The following FITM2 variants were observed in gnomAD, a reference collection of about 807,000 sequenced individuals.
The protein encoded by FITM2 is acyl-coenzyme A diphosphatase FITM2.
Under a neutral mutation model 23.3 loss-of-function variants are expected in FITM2, and 16 were observed. That is an observed-to-expected ratio of 0.69 (90% CI 0.47 to 1.05). FITM2 has a LOEUF of 1.05. FITM2 is among the 50% of genes least tolerant of loss of function. The pLI is 0.00. For synonymous variants in FITM2, 132 were observed against 142.0 expected (o/e 0.93, Z 0.50); for missense variants, 273 against 327.5 (o/e 0.83, Z 1.29).
At chr20:44,310,336 A>C (rs1943839463) in intron 1 of FITM2, among the ~76,000 whole-genome samples, 1 of 152,212 alleles carries the variant, frequency 6.6e-6, no homozygotes, top group Admixed American at 6.5e-5. Context: ...AGATGTCTCA[A>C]AGCGCCCAGC....
At position 44,306,421 on chromosome 20, in the gene FITM2, A is replaced by T. The variant is rs1158167285; in HGVS notation, c.*204T>A. 8 of 580,556 alleles carry T rather than the reference A, an allele frequency of 1.4e-5. No individual in the cohort carries two copies. Among genetic ancestry groups the T allele is most frequent in the Non-Finnish European group, 2.3e-5 (8 of 344,504 alleles). 36.0% of individuals were successfully genotyped at this position (580,556 alleles called of 1,614,324 possible). A position where few individuals can be genotyped will look rare whatever the true frequency, so the allele number is the denominator to read the frequency against. On this transcript the variant is annotated 3_prime_UTR_variant, in exon 2 of 2. Coordinates refer to ENST00000396825, the MANE Select transcript of FITM2 (RefSeq NM_001080472.4). Reference sequence around the variant, plus strand: ...AGGGACAAAAAGTGCCTAACTGGGAATGGTGGTGCTTGCAACACTGGTGAT... The same window carrying T: ...AGGGACAAAAAGTGCCTAACTGGGATTGGTGGTGCTTGCAACACTGGTGAT...
chr20:44,307,360 C>T (rs762227256), intron 1 of FITM2, 120 bp from the exon 2 acceptor site: 16 of 1,158,606 alleles, frequency 1.4e-5, no homozygotes, highest in Non-Finnish European at 1.7e-5. Flanking sequence ...AAAGCTACAG[C>T]TCATAGCAAC....
At position 44,307,138 on chromosome 20, in the gene FITM2, C is replaced by T; in HGVS notation, c.276G>A (p.Arg92=). 1 of 1,614,208 alleles carries T rather than the reference C, an allele frequency of 6.2e-7. No homozygotes were observed. The highest frequency in any genetic ancestry group is 1.1e-5 in the South Asian group (1 of 91,082). ...HLTGKAGLVL[R]RLSTLLVGTA... is the part of the protein sequence containing the mutation. Reference sequence around the variant, plus strand: ...TGCCCACAAGCAGGGTGCTCAGCCGCCGCAGGACCAAGCCAGCCTTGCCGG... The same window carrying T: ...TGCCCACAAGCAGGGTGCTCAGCCGTCGCAGGACCAAGCCAGCCTTGCCGG... The change falls in exon 2 of 2, where the codon CGG becomes CGA. Residue 92 remains arginine, a synonymous_variant. Transcript: ENST00000396825.
chr20:44,309,748 G>A (rs2062699989), intron 1 of FITM2, among the ~76,000 whole-genome samples: 1 of 152,128 alleles, frequency 6.6e-6, no homozygotes, highest in Admixed American at 6.6e-5. Flanking sequence ...CAGGATCCAT[G>A]ACTACCTTCA....
rs1336714173 is a variant in FITM2, at chr20:44,305,039, CAG to C, written c.*1584_*1585del. 1 of 152,140 alleles carries C rather than the reference CAG, an allele frequency of 6.6e-6. No homozygotes were observed. Among genetic ancestry groups the C allele is most frequent in the East Asian group, 1.9e-4 (1 of 5,190 alleles). 9.4% of individuals were successfully genotyped at this position (152,140 alleles called of 1,614,324 possible). A position where few individuals can be genotyped will look rare whatever the true frequency, so the allele number is the denominator to read the frequency against. ...CACCTGGCCCAGGTTTCATTGCTAACAGAGAAAACAGCCCCATGAGGTGGAAT... is the reference window on the plus strand; with the variant it reads ...CACCTGGCCCAGGTTTCATTGCTAACAGAAAACAGCCCCATGAGGTGGAAT... On this transcript the variant is annotated 3_prime_UTR_variant, in exon 2 of 2. Coordinates refer to ENST00000396825, the MANE Select transcript of FITM2 (RefSeq NM_001080472.4).
Position 44,307,123 on chromosome 20 carries a change from C to T in FITM2, c.291G>A (p.Leu97=), listed in dbSNP as rs143204147. ...TGTACCAGATGGCCGTGCCCACAAG[C>T]AGGGTGCTCAGCCGCCGCAGGACCA... ...AGLVLRRLST[L]LVGTAIWYIC... is the part of the protein sequence containing the mutation. Residue 97 remains leucine (L), a synonymous_variant, in exon 2 of 2, where the codon CTG becomes CTA. Coordinates refer to ENST00000396825, the MANE Select transcript of FITM2 (RefSeq NM_001080472.4). 4.3e-4 allele frequency: 690 copies of T among 1,614,184 alleles called. 2 individuals carry two copies. The African/African-American group carries it at 8.0e-3, about 19-fold the overall frequency.
chr20:44,307,372 A>G (rs1311969747), intron 1 of FITM2, 132 bp from the exon 2 acceptor site: 5 of 1,061,022 alleles, frequency 4.7e-6, no homozygotes, highest in Non-Finnish European at 6.7e-6. Context: ...CATAGCAACT[A>G]TCATGTTTTA....
At chr20:44,309,080 C>T (rs546268663) in intron 1 of FITM2, among the ~76,000 whole-genome samples, 5 of 150,974 alleles carry the variant, frequency 3.3e-5, no homozygotes, top group Admixed American at 2.6e-4. Context: ...CTGCAACCTC[C>T]GCCTCCCGGG....
chr20:44,310,925 C>G, intron 1 of FITM2, 51 bp downstream of exon 1: 1 of 1,498,248 alleles, frequency 6.7e-7, no homozygotes, highest in Admixed American at 2.2e-5. Flanking sequence ...CTGGGCGAGG[C>G]GACAGCGGGC....
chr20:44,309,818 A>T (rs542749438), intron 1 of FITM2, among the ~76,000 whole-genome samples: 1 of 152,120 alleles, frequency 6.6e-6, no homozygotes, highest in Non-Finnish European at 1.5e-5. Flanking sequence ...AGGCCAGAGG[A>T]AGCAGCAGCT....
In FITM2 at chr20:44,308,577, C is replaced by G. The variant is rs968271757; in HGVS notation, c.174-1337G>C. ...CTGAGACAGGATCTCACTCTGTCCC[C>G]CAGGCTTGCGTGCAGTGGCACAATC... is the stretch of plus-strand genomic sequence containing the variant. On this transcript the variant is annotated intron_variant, in intron 1 of 1. Coordinates refer to ENST00000396825, the MANE Select transcript of FITM2 (RefSeq NM_001080472.4). Among the ~76,000 whole-genome samples the G allele has an allele frequency of 2.0e-5, 3 of 152,268 alleles. No homozygotes were observed. The East Asian group carries it at 5.8e-4, about 29-fold the overall frequency.
intron 1 of FITM2, among the ~76,000 whole-genome samples, chr20:44,309,518 G>A (rs1483944462): frequency 6.6e-6 from 1 of 152,118 alleles, no homozygotes; most frequent in Non-Finnish European, 1.5e-5. Context: ...TTGCAACAAG[G>A]TCTTACTTTA....
chr20:44,307,260 G>T lies in FITM2; in HGVS notation c.174-20C>A, dbSNP rs1451921414. The T allele has an allele frequency of 6.2e-7, 1 of 1,610,806 alleles. No homozygotes were observed. Among genetic ancestry groups the T allele is most frequent in the South Asian group, 1.1e-5 (1 of 90,880 alleles). ...AAATACCTGACAGAGGAGGAAAGTG[G>T]AAGTGAAGAGAGGGAACACGGTGGA... On this transcript the variant is annotated intron_variant, in intron 1 of 1. Transcript: ENST00000396825.
Position 44,306,496 on chromosome 20 carries a change from C to T in FITM2, c.*129G>A. ...AAACTCACTCCCCAGACTTCAGCAC[C>T]ACCCACCAAAACTGCCTGGTACACT... On this transcript the variant is annotated 3_prime_UTR_variant, in exon 2 of 2. Coordinates refer to ENST00000396825, the MANE Select transcript of FITM2 (RefSeq NM_001080472.4). 2 of 1,307,626 alleles carry T rather than the reference C, an allele frequency of 1.5e-6. No individual in the cohort carries two copies. The highest frequency in any genetic ancestry group is 2.1e-6 in the Non-Finnish European group (2 of 964,424). The allele number at this position is 1,307,626 out of a possible 1,614,324, so 81.0% of individuals were successfully genotyped here. A position where few individuals can be genotyped will look rare whatever the true frequency, so the allele number is the denominator to read the frequency against.
At chr20:44,309,991 A>G (rs566894971) in intron 1 of FITM2, among the ~76,000 whole-genome samples, 23 of 152,246 alleles carry the variant, frequency 1.5e-4, no homozygotes, top group African/African-American at 4.3e-4. Flanking sequence ...CTAGGTTCCA[A>G]TGGATTCTCA....
rs2062684076 is a variant in FITM2, at chr20:44,304,249, C to G, written c.*2376G>C. On this transcript the variant is annotated 3_prime_UTR_variant, in exon 2 of 2. Coordinates refer to ENST00000396825, the MANE Select transcript of FITM2 (RefSeq NM_001080472.4). ...CAGGTGTAGTGCTTCTCAGTTAATGCTACTATTGGACTTGATTGGAGAGAG... is the reference window on the plus strand; with the variant it reads ...CAGGTGTAGTGCTTCTCAGTTAATGGTACTATTGGACTTGATTGGAGAGAG... 6.6e-6 allele frequency: 1 copy of G among 152,116 alleles called. No homozygotes were observed. 9.4% of individuals were successfully genotyped at this position (152,116 alleles called of 1,614,324 possible).
intron 1 of FITM2, among the ~76,000 whole-genome samples, chr20:44,307,921 A>G (rs983393839): frequency 9.9e-5 from 15 of 151,978 alleles, no homozygotes; most frequent in Admixed American, 5.9e-4. Context: ...CCCTGTCTCT[A>G]CCAAAAATAC....
Position 44,305,247 on chromosome 20 carries a change from A to C in FITM2, c.*1378T>G, listed in dbSNP as rs779893457. 9 of 152,230 alleles carry C rather than the reference A, an allele frequency of 5.9e-5. No homozygotes were observed. Among genetic ancestry groups the C allele is most frequent in the African/African-American group, 1.2e-4 (5 of 41,448 alleles). 9.4% of individuals were successfully genotyped at this position (152,230 alleles called of 1,614,324 possible). On this transcript the variant is annotated 3_prime_UTR_variant, in exon 2 of 2. Coordinates refer to ENST00000396825, the MANE Select transcript of FITM2 (RefSeq NM_001080472.4). ...TTTATCAACAAAGAACAAATGTCAC[A>C]GTTCTTATCAAAAACTGTAAAGGAT...
In FITM2 at chr20:44,307,322, CAG is replaced by C. The variant is rs1291828111; in HGVS notation, c.174-84_174-83del. ...GTCAGGACTCAGGTCTCTACACTGT[CAG>C]GGGAGGGAAAATGAGAAAACTGATC... On this transcript the variant is annotated intron_variant, in intron 1 of 1. Coordinates refer to ENST00000396825, the MANE Select transcript of FITM2 (RefSeq NM_001080472.4). The C allele has an allele frequency of 2.5e-5, 38 of 1,523,316 alleles. No homozygotes were observed. In the East Asian group the frequency reaches 6.6e-4, roughly 26 times the overall value. 94.4% of individuals were successfully genotyped at this position (1,523,316 alleles called of 1,614,324 possible). A position where few individuals can be genotyped will look rare whatever the true frequency, so the allele number is the denominator to read the frequency against.
Sources: allele counts gnomAD v4.1 joint callset (sites outside exome capture counted in the v4.1 genomes callset), GRCh38; gene constraint gnomAD v4.1.1; transcripts MANE v1.5; gene names NCBI Gene and HGNC (gene_info 2026-07-23, HGNC 2026-07-21).